The following HS3ST5 variants were observed in gnomAD, a reference collection of about 807,000 sequenced individuals.
HS3ST5 encodes the protein heparan sulfate glucosamine 3-O-sulfotransferase 5.
In HS3ST5, 10 loss-of-function variants were observed where a neutral mutation model predicts 25.4. That is an observed-to-expected ratio of 0.39 (90% confidence interval 0.24 to 0.67). The LOEUF (loss-of-function observed/expected upper bound fraction) is 0.67, where lower values mean the gene tolerates loss of function less well. Ranked by LOEUF, HS3ST5 falls within the 30% of genes least tolerant of loss-of-function variation. The probability of loss-of-function intolerance (pLI) is 0.44; values close to 1 mark genes in which losing one functional copy is unlikely to be tolerated. For synonymous variants in HS3ST5, 170 were observed against 162.4 expected, an observed-to-expected ratio of 1.05 and a Z score of -0.36; for missense variants, 324 against 420.7, an observed-to-expected ratio of 0.77 and a Z score of 2.01.
At chr6:114,073,632 G>C (rs902743075) in intron 3 of HS3ST5, among the ~76,000 whole-genome samples, 74 of 152,260 alleles carry the variant, frequency 4.9e-4, no homozygotes, top group African/African-American at 1.7e-3. Context: ...TAAAAAGGCA[G>C]GAAACAACAG....
chr6:114,193,139 T>C (rs1202110983), intron 2 of HS3ST5, among the ~76,000 whole-genome samples: 2 of 152,300 alleles, frequency 1.3e-5, no homozygotes, highest in East Asian at 3.9e-4. Context: ...CACTTTCAAT[T>C]AGCAAACTTC....
chr6:114,264,062 T>A (rs1773296550), intron 1 of HS3ST5, among the ~76,000 whole-genome samples: 1 of 152,188 alleles, frequency 6.6e-6, no homozygotes, highest in African/African-American at 2.4e-5. Flanking sequence ...AAACAAATAC[T>A]TTTTAAAAGG....
intron 2 of HS3ST5, among the ~76,000 whole-genome samples, chr6:114,226,080 A>G (rs960204002): frequency 6.6e-6 from 1 of 151,978 alleles, no homozygotes; most frequent in African/African-American, 2.4e-5. Context: ...TAATGGTGAA[A>G]CTAAACGTAT....
chr6:114,078,660 G>A (rs999631221), intron 3 of HS3ST5, among the ~76,000 whole-genome samples: 2 of 152,156 alleles, frequency 1.3e-5, no homozygotes, highest in South Asian at 2.1e-4. Context: ...TTAAAGTGTG[G>A]TGCCCCAGTC....
At chr6:114,126,780 C>T (rs985264451) in intron 3 of HS3ST5, among the ~76,000 whole-genome samples, 4 of 151,958 alleles carry the variant, frequency 2.6e-5, no homozygotes, top group African/African-American at 9.7e-5. Context: ...TCAGGCATTT[C>T]AGGCACCCTG....
intron 3 of HS3ST5, among the ~76,000 whole-genome samples, chr6:114,121,389 A>T (rs1387882531): frequency 1.3e-5 from 2 of 152,216 alleles, no homozygotes; most frequent in African/African-American, 4.8e-5. Flanking sequence ...TCTTTCTGTA[A>T]TGCAGTGCAT....
At chr6:114,302,181 A>G (rs1278434120) in intron 1 of HS3ST5, among the ~76,000 whole-genome samples, 5 of 152,178 alleles carry the variant, frequency 3.3e-5, no homozygotes, top group African/African-American at 1.2e-4. Context: ...ATGACCCTAG[A>G]CACCCTTAAT....
At chr6:114,109,159 T>C (rs559651747) in intron 3 of HS3ST5, among the ~76,000 whole-genome samples, 17 of 151,714 alleles carry the variant, frequency 1.1e-4, no homozygotes, top group Admixed American at 3.3e-4. Flanking sequence ...TGAAACCCTG[T>C]CTCAAGAAAA....
intron 1 of HS3ST5, among the ~76,000 whole-genome samples, chr6:114,277,922 A>G (rs1773933815): frequency 6.6e-6 from 1 of 151,994 alleles, no homozygotes; most frequent in African/African-American, 2.4e-5. Flanking sequence ...TCATTTTAAA[A>G]TGTATGTTAA....
At chr6:114,321,439 T>C (rs1308466873) in intron 1 of HS3ST5, among the ~76,000 whole-genome samples, 2 of 152,120 alleles carry the variant, frequency 1.3e-5, no homozygotes, top group Non-Finnish European at 2.9e-5. Context: ...TATAAAACTC[T>C]TTATTATCCT....
intron 1 of HS3ST5, among the ~76,000 whole-genome samples, chr6:114,287,636 T>C (rs541099547): frequency 1.3e-5 from 2 of 152,182 alleles, no homozygotes; most frequent in South Asian, 2.1e-4. Context: ...AGAAATCTTG[T>C]GGTATGGCTG....
At chr6:114,180,942 C>T (rs1582688474) in intron 2 of HS3ST5, among the ~76,000 whole-genome samples, 1 of 152,216 alleles carries the variant, frequency 6.6e-6, no homozygotes, top group Non-Finnish European at 1.5e-5. Flanking sequence ...TTGCATGATT[C>T]ACTGTCACAC....
At chr6:114,336,626 A>T (rs930166803) in intron 1 of HS3ST5, among the ~76,000 whole-genome samples, 7 of 152,018 alleles carry the variant, frequency 4.6e-5, no homozygotes, top group African/African-American at 1.7e-4. Context: ...TAATAATAAT[A>T]ATTAATTAAT....
chr6:114,312,486 G>A (rs1252955057), intron 1 of HS3ST5, among the ~76,000 whole-genome samples: 2 of 151,998 alleles, frequency 1.3e-5, no homozygotes, highest in East Asian at 1.9e-4. Context: ...GGGTTTCTTA[G>A]ATCAGAAATA....
rs1380105171 is a variant in HS3ST5, at chr6:114,057,189, A to G, written c.*68T>C. The G allele has an allele frequency of 1.4e-5, 16 of 1,129,414 alleles. No homozygotes were observed. Among genetic ancestry groups the G allele is most frequent in the East Asian group, 4.7e-5 (2 of 42,316 alleles). The allele number at this position is 1,129,414 out of a possible 1,614,324, so 70.0% of individuals were successfully genotyped here. On this transcript the variant is annotated 3_prime_UTR_variant, in exon 5 of 5. Coordinates refer to ENST00000312719, the MANE Select transcript of HS3ST5 (RefSeq NM_153612.4). ...GGATAGCTCTGCCTAGGAAAAGTGCATATTTTAATCTACAGGAGACATTGT... is the reference window on the plus strand; with the variant it reads ...GGATAGCTCTGCCTAGGAAAAGTGCGTATTTTAATCTACAGGAGACATTGT...
chr6:114,100,327 A>G (rs1775658174), intron 3 of HS3ST5, among the ~76,000 whole-genome samples: 1 of 152,152 alleles, frequency 6.6e-6, no homozygotes, highest in African/African-American at 2.4e-5. Flanking sequence ...ACCTCGGTTA[A>G]AGAGAAAAAT....
At chr6:114,172,578 C>G (rs895613966) in intron 2 of HS3ST5, among the ~76,000 whole-genome samples, 25 of 152,178 alleles carry the variant, frequency 1.6e-4, no homozygotes, top group African/African-American at 5.8e-4. Context: ...CTTGCTAAGG[C>G]CTTTAAATGC....
intron 1 of HS3ST5, among the ~76,000 whole-genome samples, chr6:114,338,708 AG>A: frequency 6.6e-6 from 1 of 152,224 alleles, no homozygotes; most frequent in South Asian, 2.1e-4. Flanking sequence ...TTCTGCTTAA[AG>A]GTTAAGATAA....
At position 114,061,520 on chromosome 6, in the gene HS3ST5, A is replaced by C. The variant is rs868243907; in HGVS notation, c.107+1219T>G. 2.0e-4 allele frequency among the ~76,000 whole-genome samples: 30 copies of C among 152,380 alleles called. 1 individual carries two copies. In the South Asian group the frequency reaches 2.1e-3, roughly 11 times the overall value. On this transcript the variant is annotated intron_variant, in intron 4 of 4. Transcript: ENST00000312719. The stretch of plus-strand genomic sequence containing the variant: ...AAATAATCTAAGTGATAAGGTCTAC[A>C]GATTAGCTTAAATTTTGGAAGGAAA...
Sources: allele counts gnomAD v4.1 joint callset (sites outside exome capture counted in the v4.1 genomes callset), GRCh38; gene constraint gnomAD v4.1.1; transcripts MANE v1.5; gene names NCBI Gene and HGNC (gene_info 2026-07-23, HGNC 2026-07-21).